Variants in MKLN1 observed in about 807,000 individuals in gnomAD.
The protein encoded by MKLN1 is muskelin 1.
A neutral mutation model predicts 99.0 loss-of-function variants in MKLN1; 18 were observed. The observed-to-expected ratio is 0.18, with a 90% confidence interval of 0.13 to 0.27. The LOEUF (loss-of-function observed/expected upper bound fraction) is 0.27, where lower values mean the gene tolerates loss of function less well. Ranked by LOEUF, MKLN1 falls within the 10% of genes least tolerant of loss-of-function variation. The pLI is 1.00. For synonymous variants in MKLN1, 288 were observed against 293.2 expected, an observed-to-expected ratio of 0.98 and a Z score of 0.18; for missense variants, 621 against 875.9, an observed-to-expected ratio of 0.71 and a Z score of 3.67.
chr7:131,420,190 TA>T (rs1289872152), intron 8 of MKLN1, among the ~76,000 whole-genome samples: 161 of 139,098 alleles, frequency 1.2e-3, no homozygotes, highest in East Asian at 1.2e-3. Context: ...AAAGTATAAT[TA>T]AAAAAAAAAA....
At chr7:131,210,504 C>T (rs1355749159) in intron 3 of MKLN1, among the ~76,000 whole-genome samples, 2 of 150,134 alleles carry the variant, frequency 1.3e-5, no homozygotes, top group Admixed American at 6.6e-5. Flanking sequence ...TGCACTCCAG[C>T]CTGGGGGACA....
At chr7:131,318,046 A>C (rs536848858) in intron 3 of MKLN1, among the ~76,000 whole-genome samples, 2 of 152,346 alleles carry the variant, frequency 1.3e-5, no homozygotes, top group South Asian at 4.1e-4. Flanking sequence ...TATTAGACAG[A>C]TCAACAAGAC....
At chr7:131,189,124 C>T (rs1796494468) in intron 2 of MKLN1, among the ~76,000 whole-genome samples, 1 of 152,162 alleles carries the variant, frequency 6.6e-6, no homozygotes, top group Admixed American at 6.5e-5. Context: ...CTCAACTAAA[C>T]ATCAGCTTTT....
intron 3 of MKLN1, among the ~76,000 whole-genome samples, chr7:131,245,931 G>A (rs1055994618): frequency 2.0e-5 from 3 of 152,256 alleles, no homozygotes; most frequent in African/African-American, 4.8e-5. Flanking sequence ...AGACCATCCT[G>A]TCCACTCTTT....
At chr7:131,317,006 AG>A (rs1167775802) in intron 3 of MKLN1, among the ~76,000 whole-genome samples, 1 of 152,208 alleles carries the variant, frequency 6.6e-6, no homozygotes, top group Admixed American at 6.5e-5. Flanking sequence ...AGTGATGGGG[AG>A]AATGGAACCA....
rs1794467282 is a variant in MKLN1 at position 131,399,487 on chromosome 7, T to C, written c.703+54T>C. ...AAATTCAAGTACATACGGGAAACTT[T>C]TTCTCAAAAATAATATAGGCTTATG... On this transcript the variant is annotated intron_variant, in intron 6 of 17. Coordinates refer to ENST00000352689, the MANE Select transcript of MKLN1 (RefSeq NM_013255.5). 1.6e-5 allele frequency: 23 copies of C among 1,470,216 alleles called. 1 individual carries two copies. In the South Asian group the frequency reaches 2.8e-4, roughly 18 times the overall value. The allele number at this position is 1,470,216 out of a possible 1,614,324, so 91.1% of individuals were successfully genotyped here.
intron 1 of MKLN1, among the ~76,000 whole-genome samples, chr7:131,330,842 T>C (rs1327666363): frequency 2.0e-5 from 3 of 152,304 alleles, no homozygotes; most frequent in East Asian, 3.9e-4. Context: ...ATTTGGACTT[T>C]AAAAATGTTA....
intron 3 of MKLN1, among the ~76,000 whole-genome samples, chr7:131,266,003 A>G (rs1196519881): frequency 6.6e-6 from 1 of 152,006 alleles, no homozygotes; most frequent in Non-Finnish European, 1.5e-5. Flanking sequence ...GCGAAACCCT[A>G]TCTCTACTAA....
At chr7:131,152,630 G>A (rs1156316997) in intron 2 of MKLN1, among the ~76,000 whole-genome samples, 1 of 151,540 alleles carries the variant, frequency 6.6e-6, no homozygotes, top group African/African-American at 2.4e-5. Flanking sequence ...CTCCCGAGTA[G>A]CTGAGATTAC....
chr7:131,356,564 G>C (rs1275466923), intron 1 of MKLN1, among the ~76,000 whole-genome samples: 2 of 152,158 alleles, frequency 1.3e-5, no homozygotes, highest in Non-Finnish European at 2.9e-5. Context: ...CTTGCTAGCT[G>C]TCATTGCTGA....
chr7:131,198,842 A>T (rs140864450), intron 2 of MKLN1, among the ~76,000 whole-genome samples: 1 of 152,208 alleles, frequency 6.6e-6, no homozygotes, highest in Non-Finnish European at 1.5e-5. Flanking sequence ...TAATATTATC[A>T]TCATAAATAT....
intron 3 of MKLN1, among the ~76,000 whole-genome samples, chr7:131,293,553 A>G (rs1798251265): frequency 1.3e-5 from 2 of 152,186 alleles, no homozygotes; most frequent in Non-Finnish European, 1.5e-5. Context: ...GCTCACACCT[A>G]TGTCCAACAC....
chr7:131,190,473 A>G (rs1487562760), intron 2 of MKLN1, among the ~76,000 whole-genome samples: 1 of 152,090 alleles, frequency 6.6e-6, no homozygotes, highest in Non-Finnish European at 1.5e-5. Flanking sequence ...AAAAAAAAAA[A>G]ATCTAAAGAG....
chr7:131,427,338 A>G (rs1307561052), intron 8 of MKLN1, among the ~76,000 whole-genome samples: 1 of 152,206 alleles, frequency 6.6e-6, no homozygotes, highest in African/African-American at 2.4e-5. Context: ...TTCCAAGTAC[A>G]CTTTGAATTG....
chr7:131,283,346 C>CCTTCCTTCCT (rs1563278415), intron 3 of MKLN1, among the ~76,000 whole-genome samples: 527 of 51,434 alleles, frequency 0.01, 23 homozygotes, highest in Middle Eastern at 0.022. Context: ...TTCCCTTCCC[C>CCTTCCTTCCT]TCCTTCCTTC....
intron 3 of MKLN1, among the ~76,000 whole-genome samples, chr7:131,241,663 A>T (rs1327665971): frequency 6.6e-6 from 1 of 152,244 alleles, no homozygotes; most frequent in African/African-American, 2.4e-5. Flanking sequence ...AAAACAAAGC[A>T]AAACAAAAAC....
chr7:131,431,577 G>T (rs769628739), intron 9 of MKLN1, among the ~76,000 whole-genome samples: 5 of 152,132 alleles, frequency 3.3e-5, no homozygotes, highest in Non-Finnish European at 7.4e-5. Flanking sequence ...GGCTGCAAAG[G>T]GGATGAAGTA....
At chr7:131,215,570 T>A (rs1331664545) in intron 3 of MKLN1, among the ~76,000 whole-genome samples, 1 of 152,154 alleles carries the variant, frequency 6.6e-6, no homozygotes, top group African/African-American at 2.4e-5. Context: ...GCTCAAGCAA[T>A]CCTCCCACCT....
At chr7:131,247,965 C>T (rs542679334) in intron 3 of MKLN1, among the ~76,000 whole-genome samples, 1 of 152,306 alleles carries the variant, frequency 6.6e-6, no homozygotes, top group Non-Finnish European at 1.5e-5. Flanking sequence ...GTGGCACCAT[C>T]ATGGCTCACT....
Sources: allele counts gnomAD v4.1 joint callset (sites outside exome capture counted in the v4.1 genomes callset), GRCh38; gene constraint gnomAD v4.1.1; transcripts MANE v1.5; gene names NCBI Gene and HGNC (gene_info 2026-07-23, HGNC 2026-07-21).